NAV2: variants seen among roughly 807,000 people sequenced by gnomAD.
NAV2 encodes the protein helicase, APC down-regulated 1.
A neutral mutation model predicts 223.2 loss-of-function variants in NAV2; 54 were observed. That is an observed-to-expected ratio of 0.24 (90% CI 0.19 to 0.30). The LOEUF (loss-of-function observed/expected upper bound fraction) is 0.30. Among genes scored for constraint, NAV2 ranks in the 10% least tolerant of loss-of-function variants. The pLI, the probability that NAV2 is intolerant of heterozygous loss-of-function variation, is 1.00. For synonymous variants in NAV2, 1,279 were observed against 1,239.3 expected, an observed-to-expected ratio of 1.03 and a Z score of -0.67; for missense variants, 2,806 against 3,147.5, an observed-to-expected ratio of 0.89 and a Z score of 2.60.
At chr11:19,396,495 TCTG>T (rs1417549471) in intron 1 of NAV2, among the ~76,000 whole-genome samples, 3 of 152,186 alleles carry the variant, frequency 2.0e-5, no homozygotes, top group African/African-American at 7.2e-5. Context: ...TCTGTGTCCT[TCTG>T]CTCTTGTCTG....
Position 19,752,824 on chromosome 11 carries a change from A to G in NAV2, c.267+38862A>G, listed in dbSNP as rs575391871. Among the ~76,000 whole-genome samples the G allele has an allele frequency of 3.3e-4, 50 of 152,286 alleles. No individual in the cohort carries two copies. In the East Asian group the frequency reaches 8.9e-3, roughly 27 times the overall value. On this transcript the variant is annotated intron_variant, in intron 1 of 37. Coordinates refer to ENST00000349880, the MANE Select transcript of NAV2 (RefSeq NM_145117.5). ...GTTATTCTCATGGTTATTCACTTCA[A>G]TCATTGTAAACTCAATGCCATGGAC...
intron 1 of NAV2, among the ~76,000 whole-genome samples, chr11:19,826,936 A>T (rs2059667083): frequency 6.6e-6 from 1 of 152,168 alleles, no homozygotes; most frequent in Non-Finnish European, 1.5e-5. Flanking sequence ...ACGCACTACC[A>T]GGAGTGCAGA....
intron 1 of NAV2, among the ~76,000 whole-genome samples, chr11:19,471,804 C>G (rs533760661): frequency 1.3e-5 from 2 of 152,140 alleles, no homozygotes; most frequent in Admixed American, 1.3e-4. Context: ...CCCTGGCACC[C>G]GCGTGGCTGC....
chr11:19,754,306 G>T (rs368851065), intron 1 of NAV2, among the ~76,000 whole-genome samples: 1 of 152,100 alleles, frequency 6.6e-6, no homozygotes, highest in East Asian at 1.9e-4. Context: ...AAGGAATAAG[G>T]TGCCTGTTAC....
rs536026573 is a variant in NAV2, at chr11:19,914,970, C to G, written c.932-18206C>G. The stretch of plus-strand genomic sequence containing the variant: ...TGTTCAGCCATGCCTCCCTTCTCCT[C>G]TCCTTTCTACTTTTCTCCCCTTCTC... On this transcript the variant is annotated intron_variant, in intron 6 of 37. Coordinates refer to ENST00000349880, the MANE Select transcript of NAV2 (RefSeq NM_145117.5). Among the ~76,000 whole-genome samples the G allele has an allele frequency of 2.6e-5, 4 of 152,314 alleles. No homozygotes were observed. The South Asian group carries it at 6.2e-4, about 24-fold the overall frequency.
intron 34 of NAV2, 149 bp from the exon 35 acceptor site, chr11:20,105,382 C>A (rs1017170541): frequency 3.3e-6 from 2 of 599,922 alleles, no homozygotes; most frequent in Admixed American, 6.3e-5. Context: ...TACATAGTTA[C>A]AATGTTTAGA....
At chr11:19,988,557 T>A (rs1435035582) in intron 11 of NAV2, among the ~76,000 whole-genome samples, 1 of 152,036 alleles carries the variant, frequency 6.6e-6, no homozygotes, top group Non-Finnish European at 1.5e-5. Flanking sequence ...TTCTTCTTGT[T>A]ATAAGTTTTT....
rs145665233 is a variant in NAV2, at chr11:19,933,297, C to T, written c.1053C>T (p.Pro351=). 1.7e-5 allele frequency: 27 copies of T among 1,613,508 alleles called. No homozygotes were observed. Among genetic ancestry groups the T allele is most frequent in the East Asian group, 1.1e-4 (5 of 44,894 alleles). The part of the protein sequence containing the change: ...NCSTSSAIPQ[P]GAATKPWRSK... The stretch of plus-strand genomic sequence containing the variant: ...GTACCTCCTCGGCCATCCCGCAGCC[C>T]GGTGCAGCCACCAAGCCTTGGCGCA... The change falls in exon 7 of 38, where the codon CCC becomes CCT. Residue 351 remains proline (P), a synonymous_variant. Transcript: ENST00000349880. The surrounding 1 kb of genome is among the most constrained non-coding windows in gnomAD (Gnocchi z 4.3).
chr11:19,881,924 A>T (rs1307355673), intron 5 of NAV2, among the ~76,000 whole-genome samples: 2 of 152,170 alleles, frequency 1.3e-5, no homozygotes, highest in Non-Finnish European at 2.9e-5. Context: ...GGGATCAGTG[A>T]TAAGGTAGTT....
At chr11:20,104,109 C>T (rs1165141894) in intron 34 of NAV2, 1 of 221,070 alleles carries the variant, frequency 4.5e-6, no homozygotes, top group South Asian at 7.1e-5. Flanking sequence ...CCCAAGTGAA[C>T]ATGAGCAATG....
chr11:19,488,615 A>T (rs937639499), intron 1 of NAV2, among the ~76,000 whole-genome samples: 5 of 152,196 alleles, frequency 3.3e-5, no homozygotes, highest in Non-Finnish European at 7.4e-5. Context: ...TAAATTGGGG[A>T]TCGTAATACT....
rs528706800 is a variant in NAV2, at chr11:19,656,359, C to G, written c.76-176125C>G. Among the ~76,000 whole-genome samples, 3 of 152,298 alleles carry G rather than the reference C, an allele frequency of 2.0e-5. No individual in the cohort carries two copies. In the South Asian group the frequency reaches 6.2e-4, roughly 32 times the overall value. Reference sequence around the variant, plus strand: ...CTGGACTCTCCAGCTCAGCATTCATCTGGCAGAAGGGCCATCAAATGCAGA... The same window carrying G: ...CTGGACTCTCCAGCTCAGCATTCATGTGGCAGAAGGGCCATCAAATGCAGA... On this transcript the variant is annotated intron_variant, in intron 1 of 37. Coordinates refer to the NAV2 transcript ENST00000360655.
intron 1 of NAV2, among the ~76,000 whole-genome samples, chr11:19,581,365 T>C (rs111815967): frequency 0.012 from 1,867 of 152,292 alleles, 60 homozygotes; most frequent in African/African-American, 0.043. Context: ...AAAGTTTAAA[T>C]TTAAGGTTTT....
chr11:20,039,974 C>CGCTG (rs2056762446), intron 12 of NAV2, among the ~76,000 whole-genome samples: 1 of 152,120 alleles, frequency 6.6e-6, no homozygotes, highest in East Asian at 1.9e-4. Context: ...TCTGCTCACC[C>CGCTG]GCTGGGTAAG....
chr11:19,987,783 C>G (rs182729329), intron 11 of NAV2, among the ~76,000 whole-genome samples: 1 of 152,184 alleles, frequency 6.6e-6, no homozygotes, highest in African/African-American at 2.4e-5. Flanking sequence ...CACTCCTGGG[C>G]TCCAGGTTTT....
At chr11:19,883,103 AC>A (rs1345005691) in intron 5 of NAV2, among the ~76,000 whole-genome samples, 1 of 151,894 alleles carries the variant, frequency 6.6e-6, no homozygotes, top group Non-Finnish European at 1.5e-5. Flanking sequence ...GTTGATGCAA[AC>A]CCCCCACATG....
chr11:20,113,145 T>C (rs1408778956), intron 36 of NAV2, among the ~76,000 whole-genome samples: 3 of 152,210 alleles, frequency 2.0e-5, no homozygotes, highest in Non-Finnish European at 4.4e-5. Flanking sequence ...GGCCGTGGAA[T>C]TGAACATACT....
intron 6 of NAV2, among the ~76,000 whole-genome samples, chr11:19,895,373 G>A (rs1252909606): frequency 6.6e-6 from 1 of 152,038 alleles, no homozygotes; most frequent in African/African-American, 2.4e-5. Context: ...CACTGCGCCT[G>A]GCCTGATTTT....
At chr11:19,921,285 T>C (rs909389451) in intron 6 of NAV2, among the ~76,000 whole-genome samples, 15 of 152,216 alleles carry the variant, frequency 9.9e-5, no homozygotes, top group African/African-American at 3.4e-4. Flanking sequence ...TGAATAATAG[T>C]CCAATTCAGC....
Sources: allele counts gnomAD v4.1 joint callset (sites outside exome capture counted in the v4.1 genomes callset), GRCh38; gene constraint gnomAD v4.1.1; non-coding constraint Gnocchi (gnomAD v3.1); transcripts MANE v1.5; gene names NCBI Gene and HGNC (gene_info 2026-07-23, HGNC 2026-07-21).